Variants in FBXL4 observed in about 807,000 individuals in gnomAD.
The protein encoded by FBXL4 is F-box/LRR-repeat protein 4.
In FBXL4, 40 loss-of-function variants were observed where a neutral mutation model predicts 58.9. The ratio of observed to expected loss-of-function variants is 0.68; its 90% confidence interval spans 0.53 to 0.88. The LOEUF is 0.88. Ranked by LOEUF, FBXL4 falls within the 40% of genes least tolerant of loss-of-function variation. FBXL4 has a pLI of 0.00. For missense variants in FBXL4, 676 were observed against 734.4 expected, an observed-to-expected ratio of 0.92 and a Z score of 0.92; for synonymous variants, 263 against 265.5, an observed-to-expected ratio of 0.99 and a Z score of 0.09.
intron 1 of FBXL4, among the ~76,000 whole-genome samples, chr6:98,936,449 G>GTCCACTTATTATATAA (rs1416933862): frequency 6.6e-6 from 1 of 152,134 alleles, no homozygotes; most frequent in African/African-American, 2.4e-5. Flanking sequence ...AACTGTGTGG[G>GTCCACTTATTATATAA]TCCACTTATA....
rs1449842045 is a variant in FBXL4, at chr6:98,926,675, T to G, written c.314A>C (p.Asp105Ala). 6 of 1,614,114 alleles carry G rather than the reference T, an allele frequency of 3.7e-6. No homozygotes were observed. Among genetic ancestry groups the G allele is most frequent in the Non-Finnish European group, 5.1e-6 (6 of 1,180,008 alleles). The change falls in exon 4 of 10, where the codon GAT (aspartate) becomes GCT (alanine). Residue 105 changes from aspartate (D) to alanine (A), a missense_variant. By Grantham distance (126) the Asp-to-Ala change is moderately radical (BLOSUM62 -2). Coordinates refer to ENST00000369244, the MANE Select transcript of FBXL4 (RefSeq NM_001278716.2). ...AVFRTYGTWW[D>A]QCPSASLPFK... is the part of the protein sequence containing the mutation. The stretch of plus-strand genomic sequence containing the variant: ...TGGCAAGGAAGCACTAGGACACTGA[T>G]CCCACCATGTCCCATAAGTTCGAAA...
chr6:98,914,892 C>G (rs1287018076), intron 5 of FBXL4, among the ~76,000 whole-genome samples: 1 of 151,982 alleles, frequency 6.6e-6, no homozygotes, highest in East Asian at 1.9e-4. Context: ...CCTGTTTGCA[C>G]ACAACATGAT....
At position 98,870,619 on chromosome 6, in the gene FBXL4, A is replaced by T. The variant is rs28735392; in HGVS notation, c.*3659T>A. The T allele has an allele frequency of 1.3e-5, 2 of 152,210 alleles. No homozygotes were observed. Among genetic ancestry groups the T allele is most frequent in the East Asian group, 3.9e-4 (2 of 5,192 alleles). The allele number at this position is 152,210 out of a possible 1,614,324, so 9.4% of individuals were successfully genotyped here. A position where few individuals can be genotyped will look rare whatever the true frequency, so the allele number is the denominator to read the frequency against. On this transcript the variant is annotated 3_prime_UTR_variant, in exon 10 of 10. Transcript: ENST00000369244. ...TATGTTGTCATACCACAATATTTTT[A>T]AATTTTTTATTACTAGTGCTTACCC... is the stretch of plus-strand genomic sequence containing the variant.
rs994110088 is a variant in FBXL4 at position 98,868,984 on chromosome 6, A to G, written c.*5294T>C. 2.6e-5 allele frequency: 4 copies of G among 152,198 alleles called. No homozygotes were observed. Among genetic ancestry groups the G allele is most frequent in the Admixed American group, 6.5e-5 (1 of 15,282 alleles). The allele number at this position is 152,198 out of a possible 1,614,324, so 9.4% of individuals were successfully genotyped here. The stretch of plus-strand genomic sequence containing the variant: ...TCTTGGCCCCATCCCTACTTATAAA[A>G]AATATATAATAAATCATGATCTTTG... On this transcript the variant is annotated 3_prime_UTR_variant, in exon 10 of 10. Coordinates refer to ENST00000369244, the MANE Select transcript of FBXL4 (RefSeq NM_001278716.2).
At position 98,874,319 on chromosome 6, in the gene FBXL4, T is replaced by C. The variant is rs1034559631; in HGVS notation, c.1825A>G (p.Ser609Gly). The change falls in exon 10 of 10, where the codon AGC (serine) becomes GGC (glycine). Residue 609 changes from serine to glycine, a missense_variant. Coordinates refer to ENST00000369244, the MANE Select transcript of FBXL4 (RefSeq NM_001278716.2). ...TTTTTTATGAACACTTTTGGAAAGC[T>C]TGCATTCAGTTCTAGCACAGCTCTG... ...DNRAVLELNA[S>G]FPKVFIKKSF... is the part of the protein sequence containing the mutation. The C allele has an allele frequency of 3.1e-6, 5 of 1,607,898 alleles. No individual in the cohort carries two copies. Among genetic ancestry groups the C allele is most frequent in the Non-Finnish European group, 4.2e-6 (5 of 1,178,472 alleles).
intron 8 of FBXL4, among the ~76,000 whole-genome samples, chr6:98,879,019 AC>A (rs1258920011): frequency 6.6e-6 from 1 of 152,124 alleles, no homozygotes; most frequent in African/African-American, 2.4e-5. Flanking sequence ...GTTTAATAAG[AC>A]CTAACCACAA....
intron 7 of FBXL4, among the ~76,000 whole-genome samples, chr6:98,882,025 G>A (rs1172061978): frequency 6.6e-6 from 1 of 151,646 alleles, no homozygotes; most frequent in East Asian, 1.9e-4. Context: ...AGAATTTTTA[G>A]AAAGAATCTC....
rs763612215 is a variant in FBXL4, at chr6:98,917,450, C to T, written c.782G>A (p.Ser261Asn). The change falls in exon 5 of 10, where the codon AGT (serine) becomes AAT (asparagine). Residue 261 changes from serine (S) to asparagine (N), a missense_variant. Ser to Asn is a conservative substitution (Grantham distance 46). Coordinates refer to ENST00000369244, the MANE Select transcript of FBXL4 (RefSeq NM_001278716.2). Reference sequence around the variant, plus strand: ...AGCACTGCTAAACTTTTTGTTAAGACTGTCCATTCCACAACCATCCTTTTC... The same window carrying T: ...AGCACTGCTAAACTTTTTGTTAAGATTGTCCATTCCACAACCATCCTTTTC... Reference protein sequence around the residue: ...YAEKDGCGMDSLNKKFSSAVL... With the variant: ...YAEKDGCGMDNLNKKFSSAVL... 13 of 1,613,910 alleles carry T rather than the reference C, an allele frequency of 8.1e-6. No homozygotes were observed. Among genetic ancestry groups the T allele is most frequent in the Non-Finnish European group, 1.0e-5 (12 of 1,179,942 alleles).
chr6:98,870,415 A>G lies in FBXL4; in HGVS notation c.*3863T>C, dbSNP rs1770461001. On this transcript the variant is annotated 3_prime_UTR_variant, in exon 10 of 10. Transcript: ENST00000369244. ...AAATTCAACTTTCAGTGCTCATGAA[A>G]TTTTATTGGAACATGGCCACACTCA... 2 of 152,200 alleles carry G rather than the reference A, an allele frequency of 1.3e-5. No individual in the cohort carries two copies. The allele number at this position is 152,200 out of a possible 1,614,324, so 9.4% of individuals were successfully genotyped here.
intron 5 of FBXL4, among the ~76,000 whole-genome samples, chr6:98,910,306 C>A (rs568596247): frequency 1.3e-5 from 2 of 152,198 alleles, no homozygotes; most frequent in South Asian, 4.1e-4. Context: ...CTCAGAAACA[C>A]CCCAGTAGGG....
At chr6:98,918,256 C>A (rs960822923) in intron 4 of FBXL4, among the ~76,000 whole-genome samples, 1 of 152,120 alleles carries the variant, frequency 6.6e-6, no homozygotes, top group Non-Finnish European at 1.5e-5. Context: ...TGCCCTTCTC[C>A]TGAATTTCCA....
intron 6 of FBXL4, among the ~76,000 whole-genome samples, chr6:98,904,021 T>C (rs1174032866): frequency 6.6e-6 from 1 of 152,084 alleles, no homozygotes; most frequent in African/African-American, 2.4e-5. Flanking sequence ...TGGAAAACAT[T>C]GGGAAAGAGC....
At chr6:98,892,700 G>A (rs770932849) in intron 7 of FBXL4, among the ~76,000 whole-genome samples, 31 of 151,836 alleles carry the variant, frequency 2.0e-4, no homozygotes, top group Non-Finnish European at 8.8e-5. Context: ...AACTGGCACA[G>A]AAAGAAAAAA....
chr6:98,894,345 C>T (rs993776410), intron 7 of FBXL4, among the ~76,000 whole-genome samples: 5 of 152,080 alleles, frequency 3.3e-5, no homozygotes, highest in Admixed American at 6.6e-5. Context: ...TTCCATGCCA[C>T]GGATGGTAGA....
Position 98,917,413 on chromosome 6 carries a change from T to C in FBXL4, c.819A>G (p.Glu273=). ...TATCAAAATACCCATTATTTGGCCCTTCCCCGAGGACAGCACTGCTAAACT... is the reference window on the plus strand; with the variant it reads ...TATCAAAATACCCATTATTTGGCCCCTCCCCGAGGACAGCACTGCTAAACT... ...NKKFSSAVLG[E]GPNNGYFDKL... The change falls in exon 5 of 10, where the codon GAA becomes GAG. Residue 273 remains glutamate (E), a synonymous_variant. Coordinates refer to ENST00000369244, the MANE Select transcript of FBXL4 (RefSeq NM_001278716.2). 3 of 1,611,910 alleles carry C rather than the reference T, an allele frequency of 1.9e-6. No homozygotes were observed. Among genetic ancestry groups the C allele is most frequent in the Non-Finnish European group, 2.5e-6 (3 of 1,179,054 alleles).
intron 9 of FBXL4, 40 bp from the exon 10 acceptor site, chr6:98,874,481 T>C (rs1770584162): frequency 1.3e-6 from 2 of 1,542,710 alleles, no homozygotes; most frequent in Non-Finnish European, 1.8e-6. Context: ...CAAAACACCT[T>C]AAGTATAACA....
intron 1 of FBXL4, among the ~76,000 whole-genome samples, chr6:98,945,659 T>C (rs1582468496): frequency 6.6e-6 from 1 of 152,206 alleles, no homozygotes; most frequent in African/African-American, 2.4e-5. Context: ...AAAATACAAA[T>C]GGATATGAGG....
chr6:98,880,684 G>C (rs1285246365), intron 7 of FBXL4, 60 bp from the exon 8 acceptor site: 5 of 1,413,708 alleles, frequency 3.5e-6, no homozygotes, highest in Non-Finnish European at 5.0e-6. Context: ...GAAACAAAGA[G>C]AAGAGGTCAA....
intron 2 of FBXL4, among the ~76,000 whole-genome samples, chr6:98,933,622 T>C (rs922243856): frequency 1.1e-4 from 17 of 152,220 alleles, no homozygotes; most frequent in African/African-American, 3.9e-4. Flanking sequence ...TATGTTCGTA[T>C]TATTTGCTAT....
Sources: allele counts gnomAD v4.1 joint callset (sites outside exome capture counted in the v4.1 genomes callset), GRCh38; gene constraint gnomAD v4.1.1; transcripts MANE v1.5; gene names NCBI Gene and HGNC (gene_info 2026-07-23, HGNC 2026-07-21).